The following PTPRD variants were observed in gnomAD, a reference collection of about 807,000 sequenced individuals.
The protein encoded by PTPRD is protein tyrosine phosphatase receptor type D, also known as receptor-type tyrosine-protein phosphatase delta.
A neutral mutation model predicts 214.5 loss-of-function variants in PTPRD; 34 were observed. That is an observed-to-expected ratio of 0.16 (90% CI 0.12 to 0.21). The LOEUF is 0.21. Ranked by LOEUF, PTPRD falls within the 10% of genes least tolerant of loss-of-function variation. The pLI, the probability that PTPRD is intolerant of heterozygous loss-of-function variation, is 1.00. For missense variants in PTPRD, 2,545 were observed against 2,398.7 expected (o/e 1.06, Z -1.27); for synonymous variants, 1,128 against 845.7 (o/e 1.33, Z -5.79).
At chr9:9,805,435 T>G (rs2099066883) in intron 5 of PTPRD, among the ~76,000 whole-genome samples, 1 of 152,124 alleles carries the variant, frequency 6.6e-6, no homozygotes. Flanking sequence ...GTGATTTGAC[T>G]TCACAGGTTT....
intron 6 of PTPRD, among the ~76,000 whole-genome samples, chr9:9,766,287 C>G (rs984982808): frequency 6.6e-6 from 1 of 152,056 alleles, no homozygotes; most frequent in Admixed American, 6.6e-5. Context: ...TAACCTTGAA[C>G]TATCCCCCCT....
intron 2 of PTPRD, among the ~76,000 whole-genome samples, chr9:10,474,177 G>T (rs1225639796): frequency 6.6e-6 from 1 of 151,994 alleles, no homozygotes; most frequent in African/African-American, 2.4e-5. Flanking sequence ...CCAATTAAAA[G>T]ACACAGGCTG....
chr9:8,606,077 A>G (rs2095192771), intron 14 of PTPRD, among the ~76,000 whole-genome samples: 1 of 152,150 alleles, frequency 6.6e-6, no homozygotes, highest in African/African-American at 2.4e-5. Context: ...GCACAAAACA[A>G]TGAATGGATC....
At chr9:8,568,848 G>A (rs182776797) in intron 14 of PTPRD, among the ~76,000 whole-genome samples, 28 of 151,844 alleles carry the variant, frequency 1.8e-4, no homozygotes, top group Middle Eastern at 3.4e-3. Flanking sequence ...CTAAGTTCTC[G>A]GTGCTGCCTA....
chr9:8,769,499 T>G (rs532922116), intron 11 of PTPRD, among the ~76,000 whole-genome samples: 1 of 152,304 alleles, frequency 6.6e-6, no homozygotes, highest in South Asian at 2.1e-4. Flanking sequence ...ACAAAGGCAT[T>G]TGTAGTTGTG....
intron 11 of PTPRD, among the ~76,000 whole-genome samples, chr9:8,968,973 C>G (rs1242567718): frequency 6.6e-6 from 1 of 151,824 alleles, no homozygotes; most frequent in Non-Finnish European, 1.5e-5. Flanking sequence ...CTAAAACTGA[C>G]AAGAGATTTA....
chr9:9,202,541 G>C (rs529285161), intron 9 of PTPRD, among the ~76,000 whole-genome samples: 1 of 152,188 alleles, frequency 6.6e-6, no homozygotes, highest in Non-Finnish European at 1.5e-5. Context: ...TACATCAGAT[G>C]CAAGCTTGAT....
At chr9:8,970,964 T>G in intron 11 of PTPRD, among the ~76,000 whole-genome samples, 1 of 151,210 alleles carries the variant, frequency 6.6e-6, no homozygotes, top group Non-Finnish European at 1.5e-5. Context: ...ACCGGAGATA[T>G]GTTCTAATGA....
intron 8 of PTPRD, among the ~76,000 whole-genome samples, chr9:9,416,362 C>A (rs1435358258): frequency 6.6e-6 from 1 of 152,198 alleles, no homozygotes; most frequent in East Asian, 1.9e-4. Flanking sequence ...TGAGTCCCAG[C>A]TCTCCCACTT....
chr9:9,478,533 A>G (rs910403487), intron 8 of PTPRD, among the ~76,000 whole-genome samples: 2 of 152,152 alleles, frequency 1.3e-5, no homozygotes, highest in Non-Finnish European at 2.9e-5. Context: ...GGTTATGTAA[A>G]TTGTCCAAGG....
chr9:9,871,866 T>C (rs528132063), intron 5 of PTPRD, among the ~76,000 whole-genome samples: 195 of 152,240 alleles, frequency 1.3e-3, no homozygotes, highest in African/African-American at 4.3e-3. Flanking sequence ...CCTTTAACAA[T>C]AGGAATGCAT....
chr9:10,078,008 A>T (rs970262879), intron 3 of PTPRD, among the ~76,000 whole-genome samples: 1 of 152,080 alleles, frequency 6.6e-6, no homozygotes, highest in Non-Finnish European at 1.5e-5. Flanking sequence ...TAATTGATAT[A>T]TGTAAATTCT....
intron 2 of PTPRD, among the ~76,000 whole-genome samples, chr9:10,520,942 G>A (rs1238195032): frequency 2.0e-5 from 3 of 151,390 alleles, no homozygotes; most frequent in East Asian, 1.9e-4. Context: ...AGTTGCCAAG[G>A]TGCAAGAAGA....
At chr9:8,580,638 C>A (rs2092973553) in intron 14 of PTPRD, among the ~76,000 whole-genome samples, 1 of 152,130 alleles carries the variant, frequency 6.6e-6, no homozygotes, top group African/African-American at 2.4e-5. Context: ...CCATTTTTAG[C>A]ACTAAGTAGT....
At chr9:9,282,629 A>G (rs1948111612) in intron 9 of PTPRD, among the ~76,000 whole-genome samples, 1 of 151,360 alleles carries the variant, frequency 6.6e-6, no homozygotes, top group African/African-American at 2.4e-5. Context: ...TTTTGTAACT[A>G]TTTCTTTAAG....
At chr9:8,551,748 G>T (rs1162555711) in intron 14 of PTPRD, among the ~76,000 whole-genome samples, 1 of 152,152 alleles carries the variant, frequency 6.6e-6, no homozygotes, top group Non-Finnish European at 1.5e-5. Context: ...CAAACATAAT[G>T]AAGAAAGTCC....
chr9:8,413,493 TC>T (rs1322715744), intron 35 of PTPRD, among the ~76,000 whole-genome samples: 19 of 152,156 alleles, frequency 1.2e-4, no homozygotes, highest in Admixed American at 1.2e-3. Flanking sequence ...GTACCCCATT[TC>T]ATACCAAATG....
At chr9:10,066,610 T>G (rs1209768508) in intron 3 of PTPRD, among the ~76,000 whole-genome samples, 1 of 151,850 alleles carries the variant, frequency 6.6e-6, no homozygotes, top group East Asian at 1.9e-4. Context: ...CTGCATAGCT[T>G]ATTCTCCATG....
intron 2 of PTPRD, among the ~76,000 whole-genome samples, chr9:10,588,843 C>A (rs2074644925): frequency 6.6e-6 from 1 of 151,988 alleles, no homozygotes; most frequent in African/African-American, 2.4e-5. Flanking sequence ...TGCCTATACT[C>A]CCTTTACTGC....
Sources: allele counts gnomAD v4.1 joint callset (sites outside exome capture counted in the v4.1 genomes callset), GRCh38; gene constraint gnomAD v4.1.1; transcripts MANE v1.5; gene names NCBI Gene and HGNC (gene_info 2026-07-23, HGNC 2026-07-21).